Variants in ITPR2 observed in about 807,000 individuals in gnomAD.
ITPR2 encodes inositol 1,4,5-trisphosphate-gated calcium channel ITPR2.
Under a neutral mutation model 317.1 loss-of-function variants are expected in ITPR2, and 207 were observed. That is an observed-to-expected ratio of 0.65 (90% CI 0.58 to 0.73). ITPR2 has a LOEUF of 0.73. Ranked by LOEUF, ITPR2 falls within the 30% of genes least tolerant of loss-of-function variation. The probability of loss-of-function intolerance (pLI) is 0.00; values close to 1 mark genes in which losing one functional copy is unlikely to be tolerated. For missense variants in ITPR2, 2,613 were observed against 3,284.0 expected (o/e 0.80, Z 4.99); for synonymous variants, 1,156 against 1,149.1 (o/e 1.01, Z -0.12).
chr12:26,811,247 A>C (rs529983920), intron 1 of ITPR2, among the ~76,000 whole-genome samples: 12 of 152,336 alleles, frequency 7.9e-5, no homozygotes, highest in Non-Finnish European at 1.5e-4. Context: ...AAATACCCGG[A>C]TATGAAACTA....
At chr12:26,449,068 G>GA (rs957843797) in intron 45 of ITPR2, among the ~76,000 whole-genome samples, 9 of 150,514 alleles carry the variant, frequency 6.0e-5, no homozygotes, top group South Asian at 2.1e-4. Context: ...TAAGGATGGA[G>GA]AAAAAAAAAT....
chr12:26,588,864 T>A (rs565022526), intron 32 of ITPR2, among the ~76,000 whole-genome samples: 1 of 152,304 alleles, frequency 6.6e-6, no homozygotes, highest in Non-Finnish European at 1.5e-5. Flanking sequence ...TGCTAGTACA[T>A]CACTTAGAGT....
chr12:26,712,606 T>C, intron 8 of ITPR2, among the ~76,000 whole-genome samples: 1 of 151,236 alleles, frequency 6.6e-6, no homozygotes, highest in East Asian at 1.9e-4. Flanking sequence ...TCTGCGAGAA[T>C]GTGATAAAAT....
intron 55 of ITPR2, among the ~76,000 whole-genome samples, chr12:26,349,434 T>C (rs1159718487): frequency 6.6e-6 from 1 of 152,224 alleles, no homozygotes; most frequent in Non-Finnish European, 1.5e-5. Flanking sequence ...ATTGAGAAAT[T>C]TGAAATGTGT....
chr12:26,406,523 C>T (rs1264544288), intron 52 of ITPR2: 1 of 148,106 alleles, frequency 6.8e-6, no homozygotes, highest in Non-Finnish European at 1.5e-5. Flanking sequence ...CCTGCATCCA[C>T]AGGAGCCCTC....
At chr12:26,690,066 C>A (rs1334011760) in intron 10 of ITPR2, among the ~76,000 whole-genome samples, 2 of 152,164 alleles carry the variant, frequency 1.3e-5, no homozygotes, top group African/African-American at 4.8e-5. Context: ...TGAGAGAAGA[C>A]TGCCTCGGAA....
intron 16 of ITPR2, 63 bp downstream of exon 16, chr12:26,659,050 T>C: frequency 7.2e-7 from 1 of 1,382,770 alleles, no homozygotes; most frequent in South Asian, 1.3e-5. Flanking sequence ...TTAAAAGTTC[T>C]AAAAATAAAA....
intron 2 of ITPR2, among the ~76,000 whole-genome samples, chr12:26,746,535 G>T (rs1438198225): frequency 2.6e-5 from 4 of 152,200 alleles, no homozygotes; most frequent in African/African-American, 9.7e-5. Flanking sequence ...CATGACTCAT[G>T]TCTTTCTCAA....
intron 2 of ITPR2, among the ~76,000 whole-genome samples, chr12:26,736,055 T>C (rs983089847): frequency 1.3e-5 from 2 of 152,210 alleles, no homozygotes; most frequent in Non-Finnish European, 2.9e-5. Context: ...TCAAAATCTG[T>C]TTGCAAAAGA....
In ITPR2 at chr12:26,784,596, G is replaced by A. The variant is rs1177012671; in HGVS notation, c.163+5561C>T. Reference sequence around the variant, plus strand: ...TAACCGCGAGTGATCCGCCAGCCTCGGCCTCCCGAGGTGCCGGGATTGCAG... The same window carrying A: ...TAACCGCGAGTGATCCGCCAGCCTCAGCCTCCCGAGGTGCCGGGATTGCAG... On this transcript the variant is annotated intron_variant, in intron 2 of 56. Transcript: ENST00000381340. 2.0e-5 allele frequency among the ~76,000 whole-genome samples: 3 copies of A among 151,516 alleles called. No individual in the cohort carries two copies. In the East Asian group the frequency reaches 5.9e-4, roughly 30 times the overall value.
rs568134232 is a variant in ITPR2, at chr12:26,500,015, T to G, written c.5074-4755A>C. ...AATAGGTATAAACAGAACAAGATTC[T>G]GTTATGTCTTAGTAATCTTCATTTA... On this transcript the variant is annotated intron_variant, in intron 37 of 56. Transcript: ENST00000381340. Among the ~76,000 whole-genome samples, 14 of 152,350 alleles carry G rather than the reference T, an allele frequency of 9.2e-5. No homozygotes were observed. In the South Asian group the frequency reaches 2.9e-3, roughly 32 times the overall value.
At chr12:26,423,203 G>GGAGAGA (rs146613339) in intron 49 of ITPR2, among the ~76,000 whole-genome samples, 83 of 151,580 alleles carry the variant, frequency 5.5e-4, no homozygotes, top group Non-Finnish European at 1.0e-3. Flanking sequence ...CTGTGTGTGT[G>GGAGAGA]GAGAGAGAGA....
chr12:26,679,900 T>C (rs1048493370), intron 13 of ITPR2, among the ~76,000 whole-genome samples: 3 of 152,048 alleles, frequency 2.0e-5, no homozygotes, highest in Non-Finnish European at 4.4e-5. Context: ...TTGATTTAAA[T>C]ATAGATACAG....
At chr12:26,547,892 A>C (rs1944427580) in intron 37 of ITPR2, among the ~76,000 whole-genome samples, 1 of 152,248 alleles carries the variant, frequency 6.6e-6, no homozygotes, top group Non-Finnish European at 1.5e-5. Flanking sequence ...TGCTAGACAA[A>C]GTATACTAAC....
intron 10 of ITPR2, among the ~76,000 whole-genome samples, chr12:26,692,125 G>A (rs930476617): frequency 1.3e-5 from 2 of 151,718 alleles, no homozygotes; most frequent in African/African-American, 4.9e-5. Flanking sequence ...CCGCCCCCCC[G>A]CCAAATTCTA....
intron 2 of ITPR2, among the ~76,000 whole-genome samples, chr12:26,732,844 C>T (rs1381000242): frequency 6.6e-6 from 1 of 152,124 alleles, no homozygotes; most frequent in African/African-American, 2.4e-5. Flanking sequence ...CCCTAAATAT[C>T]CTCAGACAGC....
chr12:26,524,565 T>A (rs967200709), intron 37 of ITPR2, among the ~76,000 whole-genome samples: 1 of 152,202 alleles, frequency 6.6e-6, no homozygotes. Context: ...CAATACATGC[T>A]AAACAAATTC....
chr12:26,523,883 C>T (rs368782388), intron 37 of ITPR2, among the ~76,000 whole-genome samples: 4 of 152,214 alleles, frequency 2.6e-5, no homozygotes, highest in Non-Finnish European at 5.9e-5. Flanking sequence ...ACACTGCAGG[C>T]GTTACATAAT....
chr12:26,488,413 C>T (rs1057216901), intron 39 of ITPR2, among the ~76,000 whole-genome samples: 4 of 152,078 alleles, frequency 2.6e-5, no homozygotes, highest in African/African-American at 9.7e-5. Context: ...ACATGACCCA[C>T]AGGTCTTGGG....
Sources: gnomAD v4.1 joint callset for allele counts (sites outside exome capture counted in the v4.1 genomes callset) on GRCh38, gnomAD v4.1.1 for gene constraint, MANE v1.5 for transcripts, NCBI Gene and HGNC (gene_info 2026-07-23, HGNC 2026-07-21) for gene names.